The following ALMS1 variants were observed in gnomAD, a reference collection of about 807,000 sequenced individuals.
ALMS1 encodes ALMS1 centrosome and basal body associated protein, also known as centrosome-associated protein ALMS1.
Under a neutral mutation model 352.2 loss-of-function variants are expected in ALMS1, and 271 were observed. The observed-to-expected ratio is 0.77, with a 90% CI of 0.70 to 0.85. The LOEUF is 0.85. Ranked by LOEUF, ALMS1 falls within the 40% of genes least tolerant of loss-of-function variation. The pLI is 0.00. For missense variants in ALMS1, 5,445 were observed against 4,870.7 expected (o/e 1.12, Z -3.51); for synonymous variants, 1,865 against 1,761.2 (o/e 1.06, Z -1.48).
chr2:73,582,995 A>G (rs930417701), intron 16 of ALMS1, among the ~76,000 whole-genome samples: 2 of 151,706 alleles, frequency 1.3e-5, no homozygotes, highest in African/African-American at 2.4e-5. Flanking sequence ...AATGCCACCA[A>G]CAATGTACAA....
At position 73,491,018 on chromosome 2, in the gene ALMS1, T is replaced by C; in HGVS notation, c.9059T>C (p.Val3020Ala). Residue 3020 changes from valine (V) to alanine (A), a missense_variant, in exon 10 of 23, where the codon GTC (valine) becomes GCC (alanine). By Grantham distance (64) the Val-to-Ala change is moderately conservative. Coordinates refer to ENST00000613296, the MANE Select transcript of ALMS1 (RefSeq NM_001378454.1). The part of the protein sequence containing the change: ...INVEAKFNTV[V>A]SQSAPNHCTL... ...GTTGAAGCCAAGTTCAATACTGTGG[T>C]CTCCCAGTCAGCCCCAAATCACTGT... is the stretch of plus-strand genomic sequence containing the variant. 1 of 1,614,196 alleles carries C rather than the reference T, an allele frequency of 6.2e-7. No individual in the cohort carries two copies. Among genetic ancestry groups the C allele is most frequent in the Non-Finnish European group, 8.5e-7 (1 of 1,180,028 alleles).
At chr2:73,464,472 A>T (rs915422871) in intron 9 of ALMS1, among the ~76,000 whole-genome samples, 1 of 152,214 alleles carries the variant, frequency 6.6e-6, no homozygotes, top group East Asian at 1.9e-4. Context: ...ATCTATGACA[A>T]ACCCACAGCC....
Position 73,385,914 on chromosome 2 carries a change from G to GAGA in ALMS1, c.48_49insAAG (p.Glu16_Glu17insLys). The GAGA allele has an allele frequency of 1.2e-6, 1 of 825,628 alleles. No homozygotes were observed. Among genetic ancestry groups the GAGA allele is most frequent in the Non-Finnish European group, 2.0e-6 (1 of 508,534 alleles). 51.1% of individuals were successfully genotyped at this position (825,628 alleles called of 1,614,324 possible). On this transcript the variant is annotated inframe_insertion, in exon 1 of 23. Transcript: ENST00000613296. ...ATGGCCGGGCGAGCTGGAGGAGGAG[G>GAGA]AGGAGGAGGAGGAGGAGGAGGAGGA...
In ALMS1 at chr2:73,572,481, TG is replaced by T; in HGVS notation, c.10606del (p.Asp3536ThrfsTer10). On this transcript the variant is annotated frameshift_variant, in exon 16 of 23. Transcript: ENST00000613296. LOFTEE classifies it high-confidence loss of function. ...TGTCTTCCTCTTCCTTATCAAAACA[TG>T]GACAAGACTAAGACAGATTATACCA... ...HMCLPLPYQN[M>X]DKTKTDYTRI... 2 of 1,613,866 alleles carry T rather than the reference TG, an allele frequency of 1.2e-6. No individual in the cohort carries two copies. Among genetic ancestry groups the T allele is most frequent in the Non-Finnish European group, 1.7e-6 (2 of 1,179,978 alleles).
chr2:73,468,748 G>T (rs1022842779), intron 9 of ALMS1, among the ~76,000 whole-genome samples: 2 of 151,962 alleles, frequency 1.3e-5, no homozygotes, highest in African/African-American at 4.8e-5. Flanking sequence ...ACAGTATATA[G>T]TTGGATCATT....
chr2:73,551,425 CTTTTTTTTTTTTTTT>C lies in ALMS1; in HGVS notation c.10078+1002_10078+1016del, dbSNP rs372741747. On this transcript the variant is annotated intron_variant, in intron 13 of 22. Coordinates refer to ENST00000613296, the MANE Select transcript of ALMS1 (RefSeq NM_001378454.1). Reference sequence around the variant, plus strand: ...TCACTGTGGGTATTTGAGTTTCAATCTTTTTTTTTTTTTTTTTTTTTTTTTTTTGAGTTGGAGTTG... The same window carrying C: ...TCACTGTGGGTATTTGAGTTTCAATCTTTTTTTTTTTTTGAGTTGGAGTTG... 2.5e-3 allele frequency among the ~76,000 whole-genome samples: 187 copies of C among 73,708 alleles called. 1 individual carries two copies. The highest frequency in any genetic ancestry group is 9.1e-3 in the Middle Eastern group (1 of 110). 48.4% of individuals were successfully genotyped at this position (73,708 alleles called of 152,430 possible).
intron 9 of ALMS1, among the ~76,000 whole-genome samples, chr2:73,472,088 T>C (rs1672480927): frequency 6.6e-6 from 1 of 152,010 alleles, no homozygotes; most frequent in Non-Finnish European, 1.5e-5. Flanking sequence ...AAGAATCCAG[T>C]CACAGAAGGA....
intron 12 of ALMS1, among the ~76,000 whole-genome samples, chr2:73,543,183 A>G (rs1674229316): frequency 6.6e-6 from 1 of 152,202 alleles, no homozygotes; most frequent in African/African-American, 2.4e-5. Context: ...GACCAACGGA[A>G]CAGAACAGAG....
At chr2:73,539,077 G>T (rs1674100469) in intron 12 of ALMS1, among the ~76,000 whole-genome samples, 1 of 152,210 alleles carries the variant, frequency 6.6e-6, no homozygotes, top group Non-Finnish European at 1.5e-5. Context: ...AGAACGGACA[G>T]ATTACCTCCT....
At chr2:73,603,404 G>A (rs950309640) in intron 21 of ALMS1, 100 bp downstream of exon 21, 10 of 999,888 alleles carry the variant, frequency 1.0e-5, no homozygotes, top group African/African-American at 9.9e-5. Flanking sequence ...TTATACTCAA[G>A]TTTAAACATT....
chr2:73,466,369 C>G (rs1672343800), intron 9 of ALMS1, among the ~76,000 whole-genome samples: 1 of 151,672 alleles, frequency 6.6e-6, no homozygotes, highest in Admixed American at 6.6e-5. Flanking sequence ...TCATTCTCAG[C>G]AAGCTATCTC....
In ALMS1 at chr2:73,424,678, G is replaced by C; in HGVS notation, c.1013G>C (p.Arg338Pro). 1 of 1,614,014 alleles carries C rather than the reference G, an allele frequency of 6.2e-7. No individual in the cohort carries two copies. Among genetic ancestry groups the C allele is most frequent in the Non-Finnish European group, 8.5e-7 (1 of 1,179,984 alleles). ...CTGAAAATTCCCAAAGACTGTGATC[G>C]TTATGATGATCTTTGTTCATATATG... ...DELKIPKDCDRYDDLCSYMSW... is the reference protein window; with the variant it reads ...DELKIPKDCDPYDDLCSYMSW... Residue 338 changes from arginine (R) to proline (P), a missense_variant, in exon 5 of 23, where the codon CGT becomes CCT. Arg to Pro is a moderately radical substitution (Grantham distance 103, BLOSUM62 -2). Coordinates refer to ENST00000613296, the MANE Select transcript of ALMS1 (RefSeq NM_001378454.1).
At chr2:73,414,680 A>G (rs754813533) in intron 2 of ALMS1, among the ~76,000 whole-genome samples, 7 of 151,858 alleles carry the variant, frequency 4.6e-5, no homozygotes, top group Non-Finnish European at 7.4e-5. Context: ...ATCATTACAT[A>G]ACTTCTTTAA....
At chr2:73,557,377 G>A (rs756129835) in intron 14 of ALMS1, 23 bp downstream of exon 14, 41 of 1,613,612 alleles carry the variant, frequency 2.5e-5, no homozygotes, top group African/African-American at 4.0e-5. Flanking sequence ...GATTGTCTGC[G>A]TATTATTTTC....
chr2:73,453,772 A>G lies in ALMS1; in HGVS notation c.7245A>G (p.Ser2415=), dbSNP rs756472469. ...TGATGACTGTCATAAAAAGTGATTC[A>G]AGTAGTGATGCCAGTGATGGAAATG... ...IPMMTVIKSD[S]SSDASDGNGS... The change falls in exon 8 of 23, where the codon TCA becomes TCG. Residue 2415 remains serine (S), a synonymous_variant. Coordinates refer to ENST00000613296, the MANE Select transcript of ALMS1 (RefSeq NM_001378454.1). The G allele has an allele frequency of 6.2e-7, 1 of 1,614,130 alleles. No individual in the cohort carries two copies. Among genetic ancestry groups the G allele is most frequent in the South Asian group, 1.1e-5 (1 of 91,084 alleles).
intron 10 of ALMS1, among the ~76,000 whole-genome samples, chr2:73,512,746 A>G (rs986900340): frequency 7.9e-5 from 12 of 152,104 alleles, no homozygotes; most frequent in Admixed American, 3.9e-4. Flanking sequence ...AGCTGGCTCT[A>G]TATCCTTTTT....
chr2:73,487,187 C>T (rs1198928213), intron 9 of ALMS1, among the ~76,000 whole-genome samples: 1 of 152,224 alleles, frequency 6.6e-6, no homozygotes, highest in Non-Finnish European at 1.5e-5. Flanking sequence ...CGCACTTGGC[C>T]TGGCAGGCTG....
intron 12 of ALMS1, among the ~76,000 whole-genome samples, chr2:73,541,349 A>G (rs1017621153): frequency 2.0e-5 from 3 of 152,212 alleles, no homozygotes; most frequent in Admixed American, 6.5e-5. Context: ...AACATACCAC[A>G]ATCTCTGGAA....
In ALMS1 at chr2:73,572,872, T is replaced by C; in HGVS notation, c.10995T>C (p.Gly3665=). ...AACGAAGTGTGAAGGAATGGAGTGGTAGACAACAGCAGAGAAATAAGCTTC... is the reference window on the plus strand; with the variant it reads ...AACGAAGTGTGAAGGAATGGAGTGGCAGACAACAGCAGAGAAATAAGCTTC... ...RGERSVKEWS[G]RQQQRNKLQK... Residue 3665 remains glycine, a synonymous_variant, in exon 16 of 23, where the codon GGT becomes GGC. Transcript: ENST00000613296. The C allele has an allele frequency of 6.2e-7, 1 of 1,613,976 alleles. No homozygotes were observed. Among genetic ancestry groups the C allele is most frequent in the East Asian group, 2.2e-5 (1 of 44,870 alleles).
Sources: gnomAD v4.1 joint callset for allele counts (sites outside exome capture counted in the v4.1 genomes callset) on GRCh38, gnomAD v4.1.1 for gene constraint, MANE v1.5 for transcripts, NCBI Gene and HGNC (gene_info 2026-07-23, HGNC 2026-07-21) for gene names.